The following TAF4B variants were observed in gnomAD, a reference collection of about 807,000 sequenced individuals.
TAF4B encodes transcription initiation factor TFIID subunit 4B.
TAF4B carries 38 observed loss-of-function variants against 86.4 expected under a neutral mutation model. The ratio of observed to expected loss-of-function variants is 0.44; its 90% CI spans 0.34 to 0.58. The LOEUF (loss-of-function observed/expected upper bound fraction) is 0.58. Among genes scored for constraint, TAF4B ranks in the 20% least tolerant of loss-of-function variants. TAF4B has a pLI of 0.02. For synonymous variants in TAF4B, 388 were observed against 391.2 expected (o/e 0.99, Z 0.10); for missense variants, 988 against 1,027.6 (o/e 0.96, Z 0.53).
At chr18:26,344,167 G>A (rs564089174) in intron 13 of TAF4B, among the ~76,000 whole-genome samples, 7 of 152,140 alleles carry the variant, frequency 4.6e-5, no homozygotes, top group East Asian at 1.9e-4. Flanking sequence ...GCTGAATAGC[G>A]GATAGAAATG....
intron 14 of TAF4B, among the ~76,000 whole-genome samples, chr18:26,388,965 CCA>C (rs1259976591): frequency 6.6e-6 from 1 of 152,172 alleles, no homozygotes; most frequent in Non-Finnish European, 1.5e-5. Flanking sequence ...GCATGCGCCA[CCA>C]CACCCAGCTA....
rs929994772 is a variant in TAF4B, at chr18:26,286,612, A to G, written c.1590+113A>G. The G allele has an allele frequency of 7.4e-5, 86 of 1,163,710 alleles. No homozygotes were observed. The African/African-American group carries it at 1.9e-3, about 25-fold the overall frequency. The allele number at this position is 1,163,710 out of a possible 1,614,324, so 72.1% of individuals were successfully genotyped here. ...AGGCTATATACTGTTTACGGGTTTG[A>G]CCAATTAATTTTTTTTTTTTTTTAC... On this transcript the variant is annotated intron_variant, in intron 7 of 14. Transcript: ENST00000269142.
At chr18:26,388,269 G>C (rs1364320465) in intron 14 of TAF4B, among the ~76,000 whole-genome samples, 1 of 152,104 alleles carries the variant, frequency 6.6e-6, no homozygotes, top group Non-Finnish European at 1.5e-5. Context: ...TAGACATATT[G>C]GTAATTCATA....
chr18:26,368,202 G>A (rs2057383988), intron 14 of TAF4B, among the ~76,000 whole-genome samples: 1 of 152,006 alleles, frequency 6.6e-6, no homozygotes. Context: ...AGAGAACCAG[G>A]TTGAATTCTT....
intron 12 of TAF4B, 22 bp downstream of exon 12, chr18:26,327,162 G>A: frequency 6.2e-7 from 1 of 1,605,574 alleles, no homozygotes; most frequent in Non-Finnish European, 8.5e-7. Context: ...TGTGATTTAT[G>A]AGTGAATGTG....
At chr18:26,304,132 C>T (rs1738923761) in intron 9 of TAF4B, among the ~76,000 whole-genome samples, 2 of 144,372 alleles carry the variant, frequency 1.4e-5, no homozygotes, top group South Asian at 4.4e-4. Flanking sequence ...TTTATATAGA[C>T]AATGTCAAGA....
chr18:26,379,963 T>G (rs920538073), intron 14 of TAF4B, among the ~76,000 whole-genome samples: 2 of 152,160 alleles, frequency 1.3e-5, no homozygotes, highest in African/African-American at 4.8e-5. Flanking sequence ...AATTGTTTGT[T>G]GCTAACATAT....
chr18:26,388,957 A>G (rs1021432737), intron 14 of TAF4B, among the ~76,000 whole-genome samples: 11 of 152,134 alleles, frequency 7.2e-5, no homozygotes, highest in African/African-American at 2.2e-4. Context: ...GATTACAGGC[A>G]TGCGCCACCA....
At chr18:26,304,168 GT>G (rs5823508) in intron 9 of TAF4B, among the ~76,000 whole-genome samples, 27,006 of 125,366 alleles carry the variant, frequency 0.22, 1,769 homozygotes, top group Non-Finnish European at 0.27. Context: ...TAGGTCGACT[GT>G]TTTTTTTTTT....
At chr18:26,285,265 G>C (rs557844281) in intron 6 of TAF4B, among the ~76,000 whole-genome samples, 18 of 92,594 alleles carry the variant, frequency 1.9e-4, no homozygotes, top group Non-Finnish European at 4.0e-4. Context: ...TGTCACCCAG[G>C]CTAGAATGCA....
In TAF4B at chr18:26,226,927, C is replaced by G; in HGVS notation, c.-7C>G. 7.3e-7 allele frequency: 1 copy of G among 1,370,964 alleles called. No individual in the cohort carries two copies. Among genetic ancestry groups the G allele is most frequent in the South Asian group, 1.7e-5 (1 of 58,918 alleles). The allele number at this position is 1,370,964 out of a possible 1,614,324, so 84.9% of individuals were successfully genotyped here. On this transcript the variant is annotated 5_prime_UTR_variant, in exon 1 of 15. Coordinates refer to ENST00000269142, the MANE Select transcript of TAF4B (RefSeq NM_005640.3). ...CAGCGCCAAAGCTGCCGCTGAGCCC[C>G]TGGGGGATGCCCGCCGGCCTCACCG...
chr18:26,336,817 A>G (rs774971819), intron 13 of TAF4B, among the ~76,000 whole-genome samples: 4 of 152,236 alleles, frequency 2.6e-5, no homozygotes, highest in African/African-American at 4.8e-5. Flanking sequence ...TGCAACAGAA[A>G]GCTTACCCTT....
At chr18:26,291,104 G>A (rs2056586956) in intron 7 of TAF4B, among the ~76,000 whole-genome samples, 1 of 152,112 alleles carries the variant, frequency 6.6e-6, no homozygotes, top group Non-Finnish European at 1.5e-5. Flanking sequence ...TTTTTTTAAA[G>A]TAATACACAT....
intron 14 of TAF4B, among the ~76,000 whole-genome samples, chr18:26,385,008 A>T (rs1978318387): frequency 6.6e-6 from 1 of 152,170 alleles, no homozygotes. Flanking sequence ...GTAGACTAGC[A>T]TGAAGCTACA....
At chr18:26,234,694 G>A (rs996471244) in intron 1 of TAF4B, among the ~76,000 whole-genome samples, 4 of 152,198 alleles carry the variant, frequency 2.6e-5, no homozygotes, top group African/African-American at 9.7e-5. Context: ...CCTCTTGGGT[G>A]GCGTAAGTCT....
chr18:26,245,641 C>T (rs150145619), intron 1 of TAF4B, among the ~76,000 whole-genome samples: 18 of 152,138 alleles, frequency 1.2e-4, no homozygotes, highest in East Asian at 7.7e-4. Context: ...TTTTACAGAG[C>T]GCTGATTGGT....
chr18:26,346,827 ATATATATATGTGTG>A (rs2057193853), intron 13 of TAF4B, among the ~76,000 whole-genome samples: 1 of 25,986 alleles, frequency 3.8e-5, no homozygotes, highest in African/African-American at 9.1e-5. Flanking sequence ...GTGTGTGTAT[ATATATATATGTGTG>A]TGTGTATATA....
chr18:26,375,983 C>G (rs1318758654), intron 14 of TAF4B, among the ~76,000 whole-genome samples: 4 of 152,034 alleles, frequency 2.6e-5, no homozygotes, highest in Non-Finnish European at 5.9e-5. Context: ...ATTGTATGAT[C>G]TCAACAGCCT....
chr18:26,363,288 C>G (rs552265224), intron 14 of TAF4B, among the ~76,000 whole-genome samples: 1 of 140,114 alleles, frequency 7.1e-6, no homozygotes, highest in South Asian at 2.2e-4. Context: ...AAATGAGAGA[C>G]AGGCTGGGTG....
Sources: gnomAD v4.1 joint callset for allele counts (sites outside exome capture counted in the v4.1 genomes callset) on GRCh38, gnomAD v4.1.1 for gene constraint, MANE v1.5 for transcripts, NCBI Gene and HGNC (gene_info 2026-07-23, HGNC 2026-07-21) for gene names.